The following CDH10 variants were observed in gnomAD, a reference collection of about 807,000 sequenced individuals.
CDH10 encodes the protein cadherin 10.
CDH10 carries 30 observed loss-of-function variants against 73.1 expected under a neutral mutation model. The observed-to-expected ratio is 0.41, with a 90% CI of 0.31 to 0.56. The LOEUF (loss-of-function observed/expected upper bound fraction) is 0.56, where lower values mean the gene tolerates loss of function less well. CDH10 is among the 20% of genes least tolerant of loss of function. The pLI, the probability that CDH10 is intolerant of heterozygous loss-of-function variation, is 0.27. For synonymous variants in CDH10, 345 were observed against 348.2 expected (o/e 0.99, Z 0.10); for missense variants, 815 against 973.7 (o/e 0.84, Z 2.17).
At chr5:24,501,685 C>A (rs1418950646) in intron 8 of CDH10, among the ~76,000 whole-genome samples, 1 of 152,110 alleles carries the variant, frequency 6.6e-6, no homozygotes, top group Non-Finnish European at 1.5e-5. Context: ...AAAAATATAA[C>A]TGTTTTACCT....
chr5:24,625,721 T>C (rs1282729953), intron 1 of CDH10, among the ~76,000 whole-genome samples: 4 of 151,428 alleles, frequency 2.6e-5, no homozygotes, highest in Admixed American at 2.0e-4. Flanking sequence ...TTTTGGTACA[T>C]GGTTTTAGGT....
intron 1 of CDH10, among the ~76,000 whole-genome samples, chr5:24,601,336 A>T (rs1398831682): frequency 6.6e-6 from 1 of 152,214 alleles, no homozygotes. Context: ...TCAAACAGTT[A>T]GTGTCATAAC....
At chr5:24,519,634 T>G (rs2111807212) in intron 5 of CDH10, among the ~76,000 whole-genome samples, 1 of 152,208 alleles carries the variant, frequency 6.6e-6, no homozygotes, top group South Asian at 2.1e-4. Context: ...CAAATGCAAA[T>G]TAAAGCCAAG....
chr5:24,544,529 G>T (rs1744270397), intron 2 of CDH10, among the ~76,000 whole-genome samples: 2 of 152,148 alleles, frequency 1.3e-5, no homozygotes. Flanking sequence ...CTTCACATTT[G>T]ACAGGGTTCC....
intron 1 of CDH10, among the ~76,000 whole-genome samples, chr5:24,598,538 T>TAA (rs796890253): frequency 1.5e-5 from 2 of 132,840 alleles, no homozygotes. Context: ...TTGTTGTTCC[T>TAA]AAAAAAAAAA....
intron 2 of CDH10, among the ~76,000 whole-genome samples, chr5:24,558,792 A>G (rs946219708): frequency 5.3e-5 from 8 of 151,990 alleles, no homozygotes; most frequent in Admixed American, 5.2e-4. Context: ...AGCTTGTGCA[A>G]TATGTTAGAA....
At chr5:24,495,534 C>G (rs547212366) in intron 9 of CDH10, among the ~76,000 whole-genome samples, 1 of 152,008 alleles carries the variant, frequency 6.6e-6, no homozygotes, top group South Asian at 2.1e-4. Context: ...TTAATGAGAA[C>G]ATTTCCTTTG....
intron 5 of CDH10, among the ~76,000 whole-genome samples, chr5:24,521,946 C>T (rs1412057902): frequency 6.6e-6 from 1 of 151,820 alleles, no homozygotes; most frequent in African/African-American, 2.4e-5. Context: ...CCAGCCTGGC[C>T]AATATGGTGA....
intron 1 of CDH10, among the ~76,000 whole-genome samples, chr5:24,596,538 G>T (rs954934231): frequency 2.6e-5 from 4 of 151,784 alleles, no homozygotes; most frequent in Admixed American, 6.6e-5. Context: ...ACTTCTCCAA[G>T]GCTCAAATCA....
chr5:24,513,426 G>A (rs1313935489), intron 5 of CDH10, among the ~76,000 whole-genome samples: 2 of 152,074 alleles, frequency 1.3e-5, no homozygotes, highest in Non-Finnish European at 2.9e-5. Context: ...GTTCAAAGCT[G>A]ACTGTTTGTT....
intron 2 of CDH10, among the ~76,000 whole-genome samples, chr5:24,538,178 A>G (rs1252739156): frequency 6.6e-6 from 1 of 152,118 alleles, no homozygotes; most frequent in African/African-American, 2.4e-5. Context: ...TCTTACTTTA[A>G]AAACAACATA....
chr5:24,494,215 G>A (rs1742176030), intron 9 of CDH10, among the ~76,000 whole-genome samples: 1 of 151,760 alleles, frequency 6.6e-6, no homozygotes, highest in African/African-American at 2.4e-5. Flanking sequence ...AAAATTAAAT[G>A]TAAGCAAGAA....
rs1243219767 is a variant in CDH10, at chr5:24,628,134, T to C, written c.-124+16460A>G. On this transcript the variant is annotated intron_variant, in intron 1 of 11. Coordinates refer to ENST00000264463, the MANE Select transcript of CDH10 (RefSeq NM_006727.5). The stretch of plus-strand genomic sequence containing the variant: ...AGTTTGAAATAAATACTGCCTCCCC[T>C]GGTTACACAGATGAGCCTGAACTGA... Among the ~76,000 whole-genome samples the C allele has an allele frequency of 3.9e-5, 6 of 152,268 alleles. No individual in the cohort carries two copies. The East Asian group carries it at 1.2e-3, about 29-fold the overall frequency.
At chr5:24,537,314 T>G (rs1743991646) in intron 3 of CDH10, 66 bp downstream of exon 3, 1 of 1,011,868 alleles carries the variant, frequency 9.9e-7, no homozygotes, top group South Asian at 1.6e-5. Flanking sequence ...ATTATACTAT[T>G]ATAAGAATTT....
rs754465931 is a variant in CDH10 at position 24,537,559 on chromosome 5, C to A, written c.347G>T (p.Arg116Leu). The change falls in exon 3 of 12, where the codon CGA becomes CTA. Residue 116 changes from arginine (R) to leucine (L), a missense_variant. Around this residue, in one of 3 missense-constraint regions of CDH10, gnomAD observed 516 missense variants for 636.6 expected, o/e 0.81. Coordinates refer to ENST00000264463, the MANE Select transcript of CDH10 (RefSeq NM_006727.5). ...AAAGGCCTTTTCCTCCCTATCAATT[C>A]GCCTTGTGGCATGAATATCACCTGT... ...EKTGDIHATR[R>L]IDREEKAFYT... is the part of the protein sequence containing the mutation. The A allele has an allele frequency of 6.2e-7, 1 of 1,613,014 alleles. No individual in the cohort carries two copies. Among genetic ancestry groups the A allele is most frequent in the South Asian group, 1.1e-5 (1 of 91,068 alleles).
chr5:24,590,096 T>G (rs923392538), intron 2 of CDH10, among the ~76,000 whole-genome samples: 8 of 151,994 alleles, frequency 5.3e-5, no homozygotes, highest in African/African-American at 1.7e-4. Context: ...ACTAAATATA[T>G]TTTTGTTTAG....
intron 2 of CDH10, among the ~76,000 whole-genome samples, chr5:24,569,606 T>G (rs570407078): frequency 6.6e-6 from 1 of 152,270 alleles, no homozygotes; most frequent in Admixed American, 6.5e-5. Context: ...CTGTAAAAAT[T>G]TATTTAAAAA....
chr5:24,614,388 T>C (rs775096583), intron 1 of CDH10, among the ~76,000 whole-genome samples: 3 of 152,202 alleles, frequency 2.0e-5, no homozygotes, highest in Admixed American at 6.5e-5. Context: ...TTGCACCCTT[T>C]CAGTGTTATC....
intron 3 of CDH10, 138 bp from the exon 4 acceptor site, chr5:24,535,960 A>G: frequency 4.0e-6 from 2 of 498,484 alleles, no homozygotes; most frequent in Non-Finnish European, 7.0e-6. Flanking sequence ...ATTTGGATGA[A>G]TATGTAGATA....
Sources: gnomAD v4.1 joint callset for allele counts (sites outside exome capture counted in the v4.1 genomes callset) on GRCh38, gnomAD v4.1.1 for gene constraint, gnomAD v4.1.1 regional missense constraint, MANE v1.5 for transcripts, NCBI Gene and HGNC (gene_info 2026-07-23, HGNC 2026-07-21) for gene names.